PARP14: variants seen among roughly 807,000 people sequenced by gnomAD.
The protein encoded by PARP14 is poly(ADP-ribose) polymerase family member 14.
A neutral mutation model predicts 154.2 loss-of-function variants in PARP14; 59 were observed. The ratio of observed to expected loss-of-function variants is 0.38; its 90% CI spans 0.31 to 0.48. PARP14 has a LOEUF of 0.48. Ranked by LOEUF, PARP14 falls within the 20% of genes least tolerant of loss-of-function variation. The probability of loss-of-function intolerance (pLI) is 0.98; values close to 1 mark genes in which losing one functional copy is unlikely to be tolerated. For synonymous variants in PARP14, 720 were observed against 780.5 expected (o/e 0.92, Z 1.29); for missense variants, 1,734 against 2,131.6 (o/e 0.81, Z 3.67).
In PARP14 at chr3:122,718,638, A is replaced by G. The variant is rs1179519312; in HGVS notation, c.4487A>G (p.Lys1496Arg). Residue 1496 changes from lysine (K) to arginine (R), a missense_variant, in exon 14 of 17, where the codon AAG (lysine) becomes AGG (arginine). Lys to Arg is a conservative substitution (Grantham distance 26). This residue lies in a region of PARP14 where 1,646 missense variants were observed against 1,976.0 expected (regional missense o/e 0.83). Transcript: ENST00000474629. The part of the protein sequence containing the change: ...ISLDHKRPLI[K>R]VLGISRDVMQ... ...CTGGACCATAAGAGACCTTTGATTA[A>G]GGTTTTGGGAATTAGCAGAGATGTG... 3.1e-6 allele frequency: 5 copies of G among 1,613,854 alleles called. No homozygotes were observed. Among genetic ancestry groups the G allele is most frequent in the Non-Finnish European group, 2.5e-6 (3 of 1,179,870 alleles).
rs754650326 is a variant in PARP14 at position 122,680,940 on chromosome 3, C to T, written c.57C>T (p.Pro19=). 2 of 1,613,146 alleles carry T rather than the reference C, an allele frequency of 1.2e-6. No individual in the cohort carries two copies. Among genetic ancestry groups the T allele is most frequent in the Admixed American group, 1.7e-5 (1 of 59,972 alleles). Residue 19 remains proline (P), a synonymous_variant, in exon 1 of 17, where the codon CCC becomes CCT. Transcript: ENST00000474629. ...TCGAGGGCTCCTGGGGCCCCGACCC[C>T]CCGAAGAACTTGAACACCAAGTTGC... ...LLVEGSWGPD[P]PKNLNTKLQM...
At chr3:122,716,112 T>G (rs1438991600) in intron 12 of PARP14, among the ~76,000 whole-genome samples, 1 of 152,138 alleles carries the variant, frequency 6.6e-6, no homozygotes, top group Non-Finnish European at 1.5e-5. Context: ...GTATATGAGT[T>G]GAATTAAGAC....
Position 122,724,956 on chromosome 3 carries a change from C to T in PARP14, c.4942-2856C>T, listed in dbSNP as rs188690241. 2.4e-3 allele frequency among the ~76,000 whole-genome samples: 371 copies of T among 152,184 alleles called. 4 individuals carry two copies. The highest frequency in any genetic ancestry group is 0.014 in the Middle Eastern group (4 of 294). The stretch of plus-strand genomic sequence containing the variant: ...GACACAGCACATGTTTCAGAGAGCA[C>T]GGGGTTGGGGGTAAGGTTGTAGATT... On this transcript the variant is annotated intron_variant, in intron 15 of 16. Transcript: ENST00000474629.
At chr3:122,695,125 G>C (rs1938731545) in intron 4 of PARP14, among the ~76,000 whole-genome samples, 1 of 152,192 alleles carries the variant, frequency 6.6e-6, no homozygotes. Flanking sequence ...TGAAGGGCTT[G>C]AGAAAGGGGT....
At chr3:122,713,635 A>G (rs1576597246) in intron 10 of PARP14, 62 bp downstream of exon 10, 2 of 1,472,640 alleles carry the variant, frequency 1.4e-6, no homozygotes, top group South Asian at 1.3e-5. Flanking sequence ...GAGGGTTTCT[A>G]TAGCCAAACT....
intron 2 of PARP14, among the ~76,000 whole-genome samples, chr3:122,685,933 G>C (rs1271097840): frequency 6.6e-6 from 1 of 152,070 alleles, no homozygotes; most frequent in Non-Finnish European, 1.5e-5. Context: ...CCTGTAACCT[G>C]TTATATTTGT....
rs549641159 is a variant in PARP14, at chr3:122,715,103, GT to G, written c.4000+686del. 2.7e-3 allele frequency among the ~76,000 whole-genome samples: 400 copies of G among 146,720 alleles called. 1 individual carries two copies. Among genetic ancestry groups the G allele is most frequent in the Middle Eastern group, 0.025 (7 of 284 alleles). On this transcript the variant is annotated intron_variant, in intron 12 of 16. Coordinates refer to ENST00000474629, the MANE Select transcript of PARP14 (RefSeq NM_017554.3). ...CTCTGGATTTATCATTAATTAGGTG[GT>G]TTTTTTTTTTTAATTATACTGGGGT...
chr3:122,728,760 G>A lies in PARP14; in HGVS notation c.*163G>A. 2 of 598,020 alleles carry A rather than the reference G, an allele frequency of 3.3e-6. No homozygotes were observed. Among genetic ancestry groups the A allele is most frequent in the South Asian group, 2.2e-5 (1 of 45,696 alleles). 37.0% of individuals were successfully genotyped at this position (598,020 alleles called of 1,614,324 possible). ...CTTTCTTCAGCTTCCCTTTCATAAT[G>A]GAAATGAACTTATTATCTTGAGAGC... On this transcript the variant is annotated 3_prime_UTR_variant, in exon 17 of 17. Transcript: ENST00000474629.
intron 5 of PARP14, among the ~76,000 whole-genome samples, chr3:122,696,629 C>T (rs899831814): frequency 6.6e-6 from 1 of 152,134 alleles, no homozygotes; most frequent in Non-Finnish European, 1.5e-5. Flanking sequence ...AATTAACCTC[C>T]CAGTTTGTGG....
chr3:122,692,799 C>G (rs979462605), intron 4 of PARP14, among the ~76,000 whole-genome samples: 29 of 151,918 alleles, frequency 1.9e-4, no homozygotes, highest in Non-Finnish European at 4.3e-4. Context: ...GAGAGAGAGA[C>G]AGGCAGAGAG....
chr3:122,693,842 G>GAAA (rs5852310), intron 4 of PARP14, among the ~76,000 whole-genome samples: 2 of 135,666 alleles, frequency 1.5e-5, no homozygotes, highest in Admixed American at 1.5e-4. Context: ...CCCCGTGTCT[G>GAAA]AAAAAAAAAA....
chr3:122,684,960 T>C (rs1283384511), intron 1 of PARP14, among the ~76,000 whole-genome samples: 2 of 152,226 alleles, frequency 1.3e-5, no homozygotes, highest in Non-Finnish European at 2.9e-5. Flanking sequence ...CTTATAAGTA[T>C]GGCTTATTAG....
chr3:122,699,839 C>G lies in PARP14; in HGVS notation c.1285C>G (p.Leu429Val). Residue 429 changes from leucine to valine, a missense_variant, in exon 6 of 17, where the codon CTT (leucine) becomes GTT (valine). Physicochemically the swap from Leu to Val is conservative, Grantham distance 32. Around this residue, in one of 2 missense-constraint regions of PARP14, gnomAD observed 1,646 missense variants for 1,976.0 expected, o/e 0.83. Transcript: ENST00000474629. ...DDRILIEFDT[L>V]KEMVILAGKS... ...CAGGATTTTGATTGAGTTTGATACACTTAAGGAGATGGTAATCTTAGCAGG... is the reference window on the plus strand; with the variant it reads ...CAGGATTTTGATTGAGTTTGATACAGTTAAGGAGATGGTAATCTTAGCAGG... 1 of 1,613,754 alleles carries G rather than the reference C, an allele frequency of 6.2e-7. No homozygotes were observed. Among genetic ancestry groups the G allele is most frequent in the Non-Finnish European group, 8.5e-7 (1 of 1,179,722 alleles).
rs1174018973 is a variant in PARP14 at position 122,703,346 on chromosome 3, A to AG, written c.3082-395dup. Among the ~76,000 whole-genome samples, 10 of 152,164 alleles carry AG rather than the reference A, an allele frequency of 6.6e-5. No individual in the cohort carries two copies. The South Asian group carries it at 8.3e-4, about 13-fold the overall frequency. ...CTGGAGCATACCATTTTGCTGCAGA[A>AG]GCTCTCTCAGATCAAATTAATCTGT... On this transcript the variant is annotated intron_variant, in intron 6 of 16. Coordinates refer to ENST00000474629, the MANE Select transcript of PARP14 (RefSeq NM_017554.3).
chr3:122,685,387 T>A, intron 2 of PARP14, 69 bp downstream of exon 2: 2 of 1,411,880 alleles, frequency 1.4e-6, no homozygotes, highest in Admixed American at 1.8e-5. Flanking sequence ...GGAATCACCA[T>A]GAAGAAAATA....
intron 12 of PARP14, 101 bp downstream of exon 12, chr3:122,714,530 G>A: frequency 1.2e-6 from 1 of 828,520 alleles, no homozygotes; most frequent in Non-Finnish European, 1.8e-6. Flanking sequence ...CTGACCCAGG[G>A]CAGCAACCAT....
At chr3:122,702,052 C>G (rs1473202405) in intron 6 of PARP14, among the ~76,000 whole-genome samples, 6 of 152,092 alleles carry the variant, frequency 3.9e-5, no homozygotes, top group Non-Finnish European at 7.4e-5. Context: ...TGATGCTGAG[C>G]AAGAGTGAGC....
chr3:122,689,795 C>T (rs948724757), intron 3 of PARP14, among the ~76,000 whole-genome samples: 1 of 152,214 alleles, frequency 6.6e-6, no homozygotes, highest in Non-Finnish European at 1.5e-5. Flanking sequence ...TGGAAACCTT[C>T]CATGACTCAC....
chr3:122,723,111 T>C (rs1933199896), intron 15 of PARP14, among the ~76,000 whole-genome samples: 1 of 151,970 alleles, frequency 6.6e-6, no homozygotes, highest in Non-Finnish European at 1.5e-5. Flanking sequence ...AATTTTTTTT[T>C]GTATTTTTAG....
Sources: allele counts gnomAD v4.1 joint callset (sites outside exome capture counted in the v4.1 genomes callset), GRCh38; gene constraint gnomAD v4.1.1; regional missense constraint gnomAD v4.1.1; transcripts MANE v1.5; gene names NCBI Gene and HGNC (gene_info 2026-07-23, HGNC 2026-07-21).